DPYD: variants seen among roughly 807,000 people sequenced by gnomAD.
DPYD encodes dihydropyrimidine dehydrogenase.
A neutral mutation model predicts 116.2 loss-of-function variants in DPYD; 109 were observed. The ratio of observed to expected loss-of-function variants is 0.94; its 90% CI spans 0.80 to 1.10. The LOEUF (loss-of-function observed/expected upper bound fraction) is 1.10. DPYD is among the 50% of genes least tolerant of loss of function. The probability of loss-of-function intolerance (pLI) is 0.00; values close to 1 mark genes in which losing one functional copy is unlikely to be tolerated. For missense variants in DPYD, 1,302 were observed against 1,254.5 expected (o/e 1.04, Z -0.57); for synonymous variants, 440 against 432.0 (o/e 1.02, Z -0.23).
intron 7 of DPYD, among the ~76,000 whole-genome samples, chr1:97,686,430 A>T (rs1170010507): frequency 6.6e-6 from 1 of 151,724 alleles, no homozygotes; most frequent in East Asian, 2.0e-4. Flanking sequence ...AGGTCAGGAG[A>T]TCGAGACCAT....
At chr1:97,640,158 A>C (rs1286933220) in intron 8 of DPYD, among the ~76,000 whole-genome samples, 1 of 152,184 alleles carries the variant, frequency 6.6e-6, no homozygotes, top group East Asian at 1.9e-4. Context: ...TTACAGATTT[A>C]AAGGGTACAA....
At chr1:97,557,792 T>C (rs150183198) in intron 11 of DPYD, among the ~76,000 whole-genome samples, 163 of 152,300 alleles carry the variant, frequency 1.1e-3, no homozygotes, top group African/African-American at 3.7e-3. Flanking sequence ...TAAAGAAGAA[T>C]GTTAGAAAAA....
intron 10 of DPYD, among the ~76,000 whole-genome samples, chr1:97,583,560 A>T (rs576830999): frequency 6.6e-6 from 1 of 151,570 alleles, no homozygotes; most frequent in Non-Finnish European, 1.5e-5. Flanking sequence ...ACAAATTAGG[A>T]TCATCTGTTT....
chr1:97,726,033 A>C (rs1049837785), intron 4 of DPYD, among the ~76,000 whole-genome samples: 5 of 151,578 alleles, frequency 3.3e-5, no homozygotes, highest in Non-Finnish European at 7.4e-5. Context: ...AGGAGTGGGA[A>C]TTATATACTC....
At chr1:97,562,221 G>A (rs993826185) in intron 11 of DPYD, among the ~76,000 whole-genome samples, 1 of 152,166 alleles carries the variant, frequency 6.6e-6, no homozygotes, top group Non-Finnish European at 1.5e-5. Flanking sequence ...CACCATCAGG[G>A]AAGAATAGTT....
In DPYD at chr1:97,403,671, A is replaced by G. The variant is rs2101643518; in HGVS notation, c.1906-21210T>C. On this transcript the variant is annotated intron_variant, in intron 14 of 22. Transcript: ENST00000370192. ...AGTGATGTCCACCCTTTCATTTCTG[A>G]TATTATTAACTTATGTCCTCTCTTT... Among the ~76,000 whole-genome samples the G allele has an allele frequency of 2.0e-5, 3 of 151,924 alleles. No homozygotes were observed. The South Asian group carries it at 6.2e-4, about 32-fold the overall frequency.
At chr1:97,252,952 A>C (rs1663205179) in intron 18 of DPYD, among the ~76,000 whole-genome samples, 1 of 152,178 alleles carries the variant, frequency 6.6e-6, no homozygotes, top group Admixed American at 6.6e-5. Flanking sequence ...AATTTACTAA[A>C]TGCTGAATAT....
intron 13 of DPYD, among the ~76,000 whole-genome samples, chr1:97,506,884 A>C (rs2101947935): frequency 6.6e-6 from 1 of 152,174 alleles, no homozygotes; most frequent in South Asian, 2.1e-4. Context: ...TAACAGACTA[A>C]GTCTGGCAAA....
intron 11 of DPYD, 92 bp from the exon 12 acceptor site, chr1:97,549,836 T>C (rs1215162357): frequency 1.7e-6 from 2 of 1,188,520 alleles, no homozygotes; most frequent in African/African-American, 3.1e-5. Flanking sequence ...TATGGTTTAA[T>C]TATTGTTCCA....
chr1:97,588,325 T>C (rs1463989971), intron 10 of DPYD, among the ~76,000 whole-genome samples: 1 of 152,126 alleles, frequency 6.6e-6, no homozygotes, highest in East Asian at 1.9e-4. Context: ...AAATTGAATA[T>C]GTAAATAACA....
At chr1:97,630,493 T>G (rs755342095) in intron 8 of DPYD, among the ~76,000 whole-genome samples, 43 of 152,084 alleles carry the variant, frequency 2.8e-4, no homozygotes, top group Non-Finnish European at 5.7e-4. Context: ...CAGTGTTGTC[T>G]TTCCTGCAGC....
At chr1:97,323,593 CATATATGTGTATAT>C (rs1668522430) in intron 16 of DPYD, among the ~76,000 whole-genome samples, 1 of 59,582 alleles carries the variant, frequency 1.7e-5, no homozygotes, top group Admixed American at 1.7e-4. Context: ...ATCATATATA[CATATATGTGTATAT>C]ATACACGTAT....
intron 2 of DPYD, among the ~76,000 whole-genome samples, chr1:97,847,311 G>A (rs1670355017): frequency 6.6e-6 from 1 of 151,926 alleles, no homozygotes; most frequent in Non-Finnish European, 1.5e-5. Flanking sequence ...TAAATAGAAG[G>A]AATATGTAAC....
At chr1:97,783,904 C>T (rs1666884745) in intron 3 of DPYD, among the ~76,000 whole-genome samples, 1 of 152,048 alleles carries the variant, frequency 6.6e-6, no homozygotes, top group South Asian at 2.1e-4. Flanking sequence ...CTCATGCTTC[C>T]AATAAAATAA....
intron 18 of DPYD, among the ~76,000 whole-genome samples, chr1:97,286,562 AG>A (rs1261711240): frequency 1.8e-4 from 27 of 152,150 alleles, no homozygotes; most frequent in Non-Finnish European, 3.4e-4. Context: ...TACACCAATC[AG>A]ACGTAGATTT....
At chr1:97,855,564 T>C (rs1304718637) in intron 2 of DPYD, 1 of 152,188 alleles carries the variant, frequency 6.6e-6, no homozygotes, top group Non-Finnish European at 1.5e-5. Flanking sequence ...CTTGGGCTTA[T>C]ATTAAAGACT....
chr1:97,103,233 CTCTTT>C (rs1287650119), intron 20 of DPYD, among the ~76,000 whole-genome samples: 1 of 151,990 alleles, frequency 6.6e-6, no homozygotes, highest in Non-Finnish European at 1.5e-5. Context: ...TTCTTCTTTC[CTCTTT>C]TCAATTATGA....
intron 14 of DPYD, among the ~76,000 whole-genome samples, chr1:97,408,785 C>T (rs146309044): frequency 2.0e-5 from 3 of 152,296 alleles, no homozygotes; most frequent in African/African-American, 7.2e-5. Flanking sequence ...TAGAATAAAG[C>T]AGGCAGAAGA....
intron 21 of DPYD, among the ~76,000 whole-genome samples, chr1:97,091,277 G>A (rs1277156904): frequency 1.3e-5 from 2 of 152,140 alleles, no homozygotes; most frequent in African/African-American, 4.8e-5. Context: ...CAGCAGAGAG[G>A]AGGGAAGAAA....
Sources: gnomAD v4.1 joint callset for allele counts (sites outside exome capture counted in the v4.1 genomes callset) on GRCh38, gnomAD v4.1.1 for gene constraint, MANE v1.5 for transcripts, NCBI Gene and HGNC (gene_info 2026-07-23, HGNC 2026-07-21) for gene names.